TMPRSS11F: variants seen among roughly 807,000 people sequenced by gnomAD.
TMPRSS11F encodes transmembrane protease serine 11F.
A neutral mutation model predicts 60.2 loss-of-function variants in TMPRSS11F; 47 were observed. That is an observed-to-expected ratio of 0.78 (90% CI 0.62 to 1.00). The LOEUF (loss-of-function observed/expected upper bound fraction) is 1.00. Ranked by LOEUF, TMPRSS11F falls within the 50% of genes least tolerant of loss-of-function variation. The pLI is 0.00. For missense variants in TMPRSS11F, 519 were observed against 522.9 expected (o/e 0.99, Z 0.07); for synonymous variants, 166 against 167.3 (o/e 0.99, Z 0.06).
chr4:68,064,954 A>T lies in TMPRSS11F; in HGVS notation c.756-10T>A. The T allele has an allele frequency of 6.2e-7, 1 of 1,604,954 alleles. No homozygotes were observed. The highest frequency in any genetic ancestry group is 8.5e-7 in the Non-Finnish European group (1 of 1,176,306). ...AGTTGGGTCTTTATTTCTGCAAAAA[A>T]TTAAAAAGTAATACTTGTGATGCTT... is the stretch of plus-strand genomic sequence containing the variant. On this transcript the variant is annotated splice_polypyrimidine_tract_variant and intron_variant, in intron 7 of 9. Coordinates refer to ENST00000356291, the MANE Select transcript of TMPRSS11F (RefSeq NM_207407.2).
At chr4:68,111,604 T>C (rs1303970638) in intron 1 of TMPRSS11F, among the ~76,000 whole-genome samples, 1 of 152,160 alleles carries the variant, frequency 6.6e-6, no homozygotes, top group African/African-American at 2.4e-5. Context: ...CTTCATCAAC[T>C]TGAAACTATA....
At chr4:68,065,512 TTA>T (rs1723307562) in intron 7 of TMPRSS11F, among the ~76,000 whole-genome samples, 1 of 152,192 alleles carries the variant, frequency 6.6e-6, no homozygotes, top group Non-Finnish European at 1.5e-5. Flanking sequence ...TCAGTCCCTC[TTA>T]CTAGACTTTC....
At chr4:68,062,891 C>G (rs1280171013) in intron 8 of TMPRSS11F, 1 of 803,468 alleles carries the variant, frequency 1.2e-6, no homozygotes, top group Non-Finnish European at 2.2e-6. Flanking sequence ...TAAGTGGCTG[C>G]CTTTTATCAC....
chr4:68,095,012 A>G (rs976165940), intron 2 of TMPRSS11F, among the ~76,000 whole-genome samples: 1 of 152,034 alleles, frequency 6.6e-6, no homozygotes, highest in Admixed American at 6.6e-5. Flanking sequence ...TACTGAGACA[A>G]CTGGCAAATT....
In TMPRSS11F at chr4:68,053,928, G is replaced by A. The variant is rs1458319908; in HGVS notation, c.1298C>T (p.Ala433Val). 5.0e-6 allele frequency: 8 copies of A among 1,613,276 alleles called. No individual in the cohort carries two copies. In the Admixed American group the frequency reaches 1.2e-4, roughly 24 times the overall value. Residue 433 changes from alanine (A) to valine (V), a missense_variant, in exon 10 of 10, where the codon GCC becomes GTC. By Grantham distance (64) the Ala-to-Val change is moderately conservative (BLOSUM62 0). Transcript: ENST00000356291. ...TRVTKYRDWI[A>V]SKTGM ...TCCACACTACATACCAGTCTTTGAGGCAATCCAATCTCGATACTTAGTTAC... is the reference window on the plus strand; with the variant it reads ...TCCACACTACATACCAGTCTTTGAGACAATCCAATCTCGATACTTAGTTAC...
At chr4:68,075,006 A>G (rs1322108943) in intron 3 of TMPRSS11F, among the ~76,000 whole-genome samples, 3 of 152,214 alleles carry the variant, frequency 2.0e-5, no homozygotes, top group Admixed American at 1.3e-4. Context: ...AAATTTTTTT[A>G]AAAAGCACTG....
intron 3 of TMPRSS11F, among the ~76,000 whole-genome samples, chr4:68,083,037 A>C (rs1009987523): frequency 2.0e-5 from 3 of 152,212 alleles, no homozygotes; most frequent in African/African-American, 7.2e-5. Flanking sequence ...CCCCACAGCT[A>C]TCTGATGGGC....
At chr4:68,056,853 G>T (rs10028321) in intron 9 of TMPRSS11F, among the ~76,000 whole-genome samples, 54,050 of 151,734 alleles carry the variant, frequency 0.36, 11,921 homozygotes, top group Non-Finnish European at 0.5. Flanking sequence ...TCAACTAATG[G>T]AATAGAATAG....
chr4:68,107,377 A>G (rs1387808740), intron 1 of TMPRSS11F, among the ~76,000 whole-genome samples: 2 of 152,204 alleles, frequency 1.3e-5, no homozygotes, highest in Non-Finnish European at 2.9e-5. Context: ...CAGAATAACC[A>G]GGGTACAGTG....
At chr4:68,114,684 A>T (rs1417404591) in intron 1 of TMPRSS11F, among the ~76,000 whole-genome samples, 1 of 151,992 alleles carries the variant, frequency 6.6e-6, no homozygotes, top group Non-Finnish European at 1.5e-5. Context: ...CATTATTTTT[A>T]AAAATCGGAC....
intron 8 of TMPRSS11F, among the ~76,000 whole-genome samples, chr4:68,063,886 A>G (rs1723260765): frequency 6.6e-6 from 1 of 152,232 alleles, no homozygotes; most frequent in African/African-American, 2.4e-5. Flanking sequence ...AAATTCTCAT[A>G]CAATGAGAAA....
chr4:68,128,315 A>G (rs1233630054), intron 1 of TMPRSS11F, among the ~76,000 whole-genome samples: 1 of 152,112 alleles, frequency 6.6e-6, no homozygotes, highest in African/African-American at 2.4e-5. Flanking sequence ...CCAAATAATA[A>G]ATGTTTGAGA....
intron 1 of TMPRSS11F, among the ~76,000 whole-genome samples, chr4:68,122,676 A>C (rs562320494): frequency 6.6e-6 from 1 of 152,226 alleles, no homozygotes. Context: ...TCAGGCATCT[A>C]TCTAGAACAA....
intron 2 of TMPRSS11F, among the ~76,000 whole-genome samples, chr4:68,091,647 T>C (rs6845798): frequency 0.42 from 64,039 of 151,786 alleles, 14,335 homozygotes; most frequent in Non-Finnish European, 0.52. Flanking sequence ...ACAGCCCTAA[T>C]ATCCACATGG....
intron 3 of TMPRSS11F, among the ~76,000 whole-genome samples, chr4:68,089,053 C>A (rs74790101): frequency 4.0e-5 from 6 of 151,418 alleles, no homozygotes; most frequent in Non-Finnish European, 7.4e-5. Flanking sequence ...AAAAAAAAAA[C>A]TATTCTGAAA....
rs79200898 is a variant in TMPRSS11F at position 68,096,497 on chromosome 4, G to A, written c.163+2390C>T. Among the ~76,000 whole-genome samples, 523 of 152,264 alleles carry A rather than the reference G, an allele frequency of 3.4e-3. 1 individual carries two copies. Among genetic ancestry groups the A allele is most frequent in the Non-Finnish European group, 4.8e-3 (327 of 68,000 alleles). On this transcript the variant is annotated intron_variant, in intron 2 of 9. Coordinates refer to ENST00000356291, the MANE Select transcript of TMPRSS11F (RefSeq NM_207407.2). ...TAAAACCTGAGAACGTTTAAACAAT[G>A]TTTTACTGCGCAGCCTGTGGTTCTC...
At chr4:68,118,780 T>C (rs1724573121) in intron 1 of TMPRSS11F, among the ~76,000 whole-genome samples, 1 of 152,144 alleles carries the variant, frequency 6.6e-6, no homozygotes, top group Non-Finnish European at 1.5e-5. Flanking sequence ...CTTATATGTC[T>C]ACAACAAGGA....
intron 3 of TMPRSS11F, among the ~76,000 whole-genome samples, chr4:68,089,813 C>T (rs978189392): frequency 2.6e-5 from 4 of 152,028 alleles, no homozygotes; most frequent in African/African-American, 9.7e-5. Context: ...CATAAAGAAT[C>T]ATATTAACAT....
intron 2 of TMPRSS11F, among the ~76,000 whole-genome samples, chr4:68,094,881 G>A (rs1433156803): frequency 6.6e-6 from 1 of 151,648 alleles, no homozygotes; most frequent in Non-Finnish European, 1.5e-5. Flanking sequence ...ATAACAAGTG[G>A]TATAACAATT....
Sources: allele counts gnomAD v4.1 joint callset (sites outside exome capture counted in the v4.1 genomes callset), GRCh38; gene constraint gnomAD v4.1.1; transcripts MANE v1.5; gene names NCBI Gene and HGNC (gene_info 2026-07-23, HGNC 2026-07-21).